The following APBB1IP variants were observed in gnomAD, a reference collection of about 807,000 sequenced individuals.
The protein encoded by APBB1IP is amyloid beta precursor protein binding family B member 1 interacting protein, also known as amyloid beta A4 precursor protein-binding family B member 1-interacting protein.
Under a neutral mutation model 64.9 loss-of-function variants are expected in APBB1IP, and 27 were observed. That is an observed-to-expected ratio of 0.42 (90% CI 0.31 to 0.57). The LOEUF (loss-of-function observed/expected upper bound fraction) is 0.57. Ranked by LOEUF, APBB1IP falls within the 20% of genes least tolerant of loss-of-function variation. APBB1IP has a pLI of 0.20. For synonymous variants in APBB1IP, 392 were observed against 331.0 expected (o/e 1.18, Z -2.00); for missense variants, 812 against 845.5 (o/e 0.96, Z 0.49).
chr10:26,473,503 G>A (rs1835743200), intron 2 of APBB1IP, among the ~76,000 whole-genome samples: 1 of 152,178 alleles, frequency 6.6e-6, no homozygotes, highest in Admixed American at 6.5e-5. Flanking sequence ...GATGTTGTGT[G>A]ATCCAAATTT....
chr10:26,452,128 A>T (rs887600105), intron 2 of APBB1IP, among the ~76,000 whole-genome samples: 4 of 144,186 alleles, frequency 2.8e-5, no homozygotes, highest in Non-Finnish European at 6.1e-5. Context: ...GGTTTTGTTG[A>T]TTATATCAAA....
At chr10:26,550,956 C>A (rs1382457712) in intron 11 of APBB1IP, among the ~76,000 whole-genome samples, 1 of 152,124 alleles carries the variant, frequency 6.6e-6, no homozygotes, top group African/African-American at 2.4e-5. Context: ...CCAGGTTAGA[C>A]CCGAATCCTA....
intron 9 of APBB1IP, among the ~76,000 whole-genome samples, chr10:26,535,348 C>T (rs575092605): frequency 1.3e-5 from 2 of 151,902 alleles, no homozygotes; most frequent in Admixed American, 1.3e-4. Flanking sequence ...AGTATGTATA[C>T]ATTTATAGGG....
chr10:26,465,396 A>AT (rs1422053238), intron 2 of APBB1IP, among the ~76,000 whole-genome samples: 10 of 152,086 alleles, frequency 6.6e-5, no homozygotes, highest in Non-Finnish European at 2.9e-5. Flanking sequence ...ACAAATTTCT[A>AT]TTTTTTTCGT....
intron 11 of APBB1IP, among the ~76,000 whole-genome samples, chr10:26,546,375 T>C (rs911418936): frequency 1.3e-5 from 2 of 152,226 alleles, no homozygotes; most frequent in African/African-American, 4.8e-5. Flanking sequence ...ATTTAGTAAG[T>C]CTGGGATTGG....
intron 2 of APBB1IP, among the ~76,000 whole-genome samples, chr10:26,465,840 G>A (rs1186854734): frequency 6.6e-6 from 1 of 152,172 alleles, no homozygotes; most frequent in Admixed American, 6.5e-5. Context: ...AACCTCTAAA[G>A]CATAATATAT....
At chr10:26,480,943 A>T (rs1835827862) in intron 2 of APBB1IP, among the ~76,000 whole-genome samples, 1 of 152,204 alleles carries the variant, frequency 6.6e-6, no homozygotes, top group African/African-American at 2.4e-5. Context: ...ACAACATGAT[A>T]AACAGAGTAT....
chr10:26,553,268 C>T (rs1836855511), intron 11 of APBB1IP, among the ~76,000 whole-genome samples: 1 of 152,072 alleles, frequency 6.6e-6, no homozygotes, highest in Non-Finnish European at 1.5e-5. Flanking sequence ...GATCCACCTG[C>T]CTCAGCCTCC....
At chr10:26,487,599 G>C (rs1478350247) in intron 2 of APBB1IP, among the ~76,000 whole-genome samples, 2 of 152,106 alleles carry the variant, frequency 1.3e-5, no homozygotes, top group Non-Finnish European at 2.9e-5. Flanking sequence ...GAAAGGGCAG[G>C]GGGAAAGATT....
chr10:26,492,285 C>T (rs577439032), intron 2 of APBB1IP, 42 bp from the exon 3 acceptor site: 159 of 1,572,056 alleles, frequency 1.0e-4, no homozygotes, highest in Non-Finnish European at 1.3e-4. Flanking sequence ...TAGGATCAGG[C>T]TTTTATGAGA....
chr10:26,548,027 T>C (rs1836788394), intron 11 of APBB1IP, among the ~76,000 whole-genome samples: 1 of 152,218 alleles, frequency 6.6e-6, no homozygotes, highest in Non-Finnish European at 1.5e-5. Flanking sequence ...TTTATGCCAA[T>C]ACCACACTGC....
rs56982662 is a variant in APBB1IP, at chr10:26,524,955, C to CTTTTTTTTTTTTTTTTTTT, written c.814-8483_814-8465dup. Among the ~76,000 whole-genome samples, 24 of 73,948 alleles carry CTTTTTTTTTTTTTTTTTTT rather than the reference C, an allele frequency of 3.2e-4. 2 individuals carry two copies. Among genetic ancestry groups the CTTTTTTTTTTTTTTTTTTT allele is most frequent in the East Asian group, 2.8e-3 (5 of 1,816 alleles). The allele number at this position is 73,948 out of a possible 152,430, so 48.5% of individuals were successfully genotyped here. A position where few individuals can be genotyped will look rare whatever the true frequency, so the allele number is the denominator to read the frequency against. On this transcript the variant is annotated intron_variant, in intron 8 of 14. Transcript: ENST00000376236. Reference sequence around the variant, plus strand: ...TCTTTTTCTTTCTCTTTCTTTCTTTCTTTTTTTTTTTTTTTTTTTATAAAA... The same window carrying CTTTTTTTTTTTTTTTTTTT: ...TCTTTTTCTTTCTCTTTCTTTCTTTCTTTTTTTTTTTTTTTTTTTTTTTTTTTTTTTTTTTTTTATAAAA...
intron 10 of APBB1IP, among the ~76,000 whole-genome samples, chr10:26,539,518 A>G (rs1836671504): frequency 6.6e-6 from 1 of 152,138 alleles, no homozygotes; most frequent in African/African-American, 2.4e-5. Flanking sequence ...GGAGAAAAAA[A>G]AGAAAATATA....
intron 4 of APBB1IP, among the ~76,000 whole-genome samples, chr10:26,498,348 A>G (rs1254809836): frequency 2.6e-5 from 4 of 152,054 alleles, no homozygotes; most frequent in Non-Finnish European, 4.4e-5. Flanking sequence ...ATCTCTACTA[A>G]AAATACAAAA....
intron 2 of APBB1IP, among the ~76,000 whole-genome samples, chr10:26,461,738 T>G (rs1384650262): frequency 6.6e-6 from 1 of 152,120 alleles, no homozygotes; most frequent in Non-Finnish European, 1.5e-5. Context: ...CTTCATTTTT[T>G]CGTCTTCTTT....
At chr10:26,462,849 A>T (rs1308693076) in intron 2 of APBB1IP, among the ~76,000 whole-genome samples, 1 of 152,124 alleles carries the variant, frequency 6.6e-6, no homozygotes, top group Non-Finnish European at 1.5e-5. Context: ...TCGATGCTTC[A>T]TGCTCTTGTT....
At chr10:26,523,981 A>G (rs918670386) in intron 8 of APBB1IP, among the ~76,000 whole-genome samples, 6 of 152,118 alleles carry the variant, frequency 3.9e-5, no homozygotes, top group African/African-American at 9.7e-5. Context: ...AACAGTCAAT[A>G]GGCCCTAGGT....
chr10:26,461,780 T>C (rs1262638485), intron 2 of APBB1IP, among the ~76,000 whole-genome samples: 1 of 152,174 alleles, frequency 6.6e-6, no homozygotes, highest in Non-Finnish European at 1.5e-5. Flanking sequence ...TTTTCTATCT[T>C]GAATTGACAA....
intron 2 of APBB1IP, among the ~76,000 whole-genome samples, chr10:26,443,376 A>G (rs1011342164): frequency 6.6e-6 from 1 of 151,730 alleles, no homozygotes; most frequent in African/African-American, 2.4e-5. Flanking sequence ...GTGAGCCAAA[A>G]TCATGCCATT....
Sources: allele counts gnomAD v4.1 joint callset (sites outside exome capture counted in the v4.1 genomes callset), GRCh38; gene constraint gnomAD v4.1.1; transcripts MANE v1.5; gene names NCBI Gene and HGNC (gene_info 2026-07-23, HGNC 2026-07-21).